LIN9: variants seen among roughly 807,000 people sequenced by gnomAD.
LIN9 encodes the protein lin-9 DREAM MuvB core complex component, also known as protein lin-9 homolog.
In LIN9, 18 loss-of-function variants were observed where a neutral mutation model predicts 78.0. The ratio of observed to expected loss-of-function variants is 0.23; its 90% confidence interval spans 0.16 to 0.34. The LOEUF is 0.34. Among genes scored for constraint, LIN9 ranks in the 10% least tolerant of loss-of-function variants. The pLI, the probability that LIN9 is intolerant of heterozygous loss-of-function variation, is 1.00. For synonymous variants in LIN9, 192 were observed against 215.2 expected (o/e 0.89, Z 0.94); for missense variants, 451 against 644.1 (o/e 0.70, Z 3.25).
At chr1:226,280,767 C>A (rs1443388579) in intron 6 of LIN9, among the ~76,000 whole-genome samples, 3 of 152,108 alleles carry the variant, frequency 2.0e-5, no homozygotes, top group Admixed American at 6.6e-5. Context: ...GAGCGAGACT[C>A]CATCTCAAAA....
intron 5 of LIN9, among the ~76,000 whole-genome samples, chr1:226,287,327 T>C (rs1661434932): frequency 6.6e-6 from 1 of 152,218 alleles, no homozygotes; most frequent in African/African-American, 2.4e-5. Flanking sequence ...TCTATGATTA[T>C]ACCAGCACTT....
At chr1:226,302,470 A>G (rs1662610576) in intron 1 of LIN9, among the ~76,000 whole-genome samples, 1 of 151,876 alleles carries the variant, frequency 6.6e-6, no homozygotes, top group African/African-American at 2.4e-5. Flanking sequence ...GTGAGCCCAC[A>G]AGGCAGAGCT....
intron 1 of LIN9, among the ~76,000 whole-genome samples, chr1:226,307,399 G>A (rs1427060004): frequency 6.6e-6 from 1 of 152,210 alleles, no homozygotes; most frequent in Non-Finnish European, 1.5e-5. Context: ...TTGGGAGGCC[G>A]AGGCGGGTGG....
rs1042328755 is a variant in LIN9, at chr1:226,250,533, T to C, written c.1119+306A>G. On this transcript the variant is annotated intron_variant, in intron 11 of 14. Transcript: ENST00000681046. ...TAGTGATAGCAATGAAGATTTACTGTTGTATGTATGTATGTATTCCTGTAT... is the reference window on the plus strand; with the variant it reads ...TAGTGATAGCAATGAAGATTTACTGCTGTATGTATGTATGTATTCCTGTAT... Among the ~76,000 whole-genome samples, 2 of 152,310 alleles carry C rather than the reference T, an allele frequency of 1.3e-5. 1 individual carries two copies. The highest frequency in any genetic ancestry group is 4.1e-4 in the South Asian group (2 of 4,824).
chr1:226,309,433 G>A (rs764843737), upstream of LIN9: 1 of 1,029,462 alleles, frequency 9.7e-7, no homozygotes, highest in Non-Finnish European at 1.2e-6. Flanking sequence ...AGCGCGGGGG[G>A]AGCAGTACCA....
upstream of LIN9, chr1:226,309,216 AG>A: frequency 6.9e-7 from 1 of 1,450,814 alleles, no homozygotes; most frequent in Non-Finnish European, 9.2e-7. Flanking sequence ...TTTGCGAGGG[AG>A]GTTCGAATGC....
chr1:226,295,552 T>C (rs1240719053), intron 4 of LIN9, among the ~76,000 whole-genome samples: 2 of 152,116 alleles, frequency 1.3e-5, no homozygotes, highest in Non-Finnish European at 2.9e-5. Flanking sequence ...AAAACATTTT[T>C]TCCCTCTTAT....
chr1:226,260,745 C>T (rs112791663), intron 10 of LIN9, among the ~76,000 whole-genome samples: 1,793 of 147,816 alleles, frequency 0.012, 16 homozygotes, highest in Middle Eastern at 0.028. Context: ...CCCAGGTTCA[C>T]GCCAGTCTCC....
At chr1:226,290,008 G>T (rs1376188929) in intron 4 of LIN9, among the ~76,000 whole-genome samples, 4 of 151,994 alleles carry the variant, frequency 2.6e-5, no homozygotes, top group African/African-American at 9.7e-5. Flanking sequence ...ACAAACTCAA[G>T]AAGTCATTAA....
At chr1:226,257,737 A>T (rs1276089846) in intron 10 of LIN9, among the ~76,000 whole-genome samples, 1 of 152,240 alleles carries the variant, frequency 6.6e-6, no homozygotes, top group East Asian at 1.9e-4. Flanking sequence ...ACACAAAAAA[A>T]GAGTGGAATA....
chr1:226,234,955 G>A (rs1248521390), intron 12 of LIN9, among the ~76,000 whole-genome samples: 2 of 148,256 alleles, frequency 1.3e-5, no homozygotes, highest in Admixed American at 6.8e-5. Context: ...GCAGTGGTGC[G>A]ATCTCAGCTC....
Position 226,301,177 on chromosome 1 carries a change from T to A in LIN9, c.60A>T (p.Leu20Phe). 1.2e-6 allele frequency: 2 copies of A among 1,601,716 alleles called. No homozygotes were observed. Among genetic ancestry groups the A allele is most frequent in the East Asian group, 2.2e-5 (1 of 44,786 alleles). The change falls in exon 2 of 15, where the codon TTA becomes TTT. Residue 20 changes from leucine to phenylalanine, a missense_variant. Physicochemically the swap from Leu to Phe is conservative, Grantham distance 22 (BLOSUM62 0). Transcript: ENST00000681046. ...ESSSAKALVS[L>F]KEGSLSNTWN... ...TAAAAATGCTATACTTCTTACCTTT[T>A]AAACTGACAAGGGCTTTTGCTGAAG... is the stretch of plus-strand genomic sequence containing the variant.
At chr1:226,285,316 AATAAC>A (rs371013166) in intron 6 of LIN9, among the ~76,000 whole-genome samples, 42 of 152,302 alleles carry the variant, frequency 2.8e-4, no homozygotes, top group African/African-American at 8.7e-4. Flanking sequence ...AAACACACTA[AATAAC>A]ATATCAAATT....
At chr1:226,273,711 A>T (rs1444361385) in intron 7 of LIN9, among the ~76,000 whole-genome samples, 1 of 152,162 alleles carries the variant, frequency 6.6e-6, no homozygotes, top group Non-Finnish European at 1.5e-5. Context: ...AGACCTTCTG[A>T]ATCAGAAACT....
At chr1:226,250,510 G>A (rs181227945) in intron 11 of LIN9, among the ~76,000 whole-genome samples, 40 of 152,312 alleles carry the variant, frequency 2.6e-4, no homozygotes, top group Non-Finnish European at 5.3e-4. Context: ...ACAAGAGATA[G>A]TGATAGCAAT....
At chr1:226,271,478 T>C (rs1346849006) in intron 7 of LIN9, among the ~76,000 whole-genome samples, 1 of 152,242 alleles carries the variant, frequency 6.6e-6, no homozygotes, top group East Asian at 1.9e-4. Context: ...TTTCAAAATG[T>C]ATTGACATTT....
At chr1:226,254,966 G>A (rs1659094756) in intron 10 of LIN9, among the ~76,000 whole-genome samples, 1 of 146,950 alleles carries the variant, frequency 6.8e-6, no homozygotes, top group Admixed American at 6.8e-5. Context: ...TAAGAAAATT[G>A]AGGGCCAAGG....
intron 12 of LIN9, among the ~76,000 whole-genome samples, chr1:226,235,797 C>G (rs531006050): frequency 3.3e-5 from 5 of 152,322 alleles, no homozygotes; most frequent in Admixed American, 3.3e-4. Flanking sequence ...AACAAACACT[C>G]AGAAAAATGT....
At chr1:226,275,249 T>G (rs1015659756) in intron 7 of LIN9, among the ~76,000 whole-genome samples, 15 of 152,232 alleles carry the variant, frequency 9.9e-5, no homozygotes, top group Non-Finnish European at 1.3e-4. Context: ...TCATTATTCT[T>G]TTGATTTTTT....
Sources: gnomAD v4.1 joint callset for allele counts (sites outside exome capture counted in the v4.1 genomes callset) on GRCh38, gnomAD v4.1.1 for gene constraint, MANE v1.5 for transcripts, NCBI Gene and HGNC (gene_info 2026-07-23, HGNC 2026-07-21) for gene names.